Variants in QRICH1 observed in about 807,000 individuals in gnomAD.
QRICH1 encodes the protein glutamine rich 1, also known as transcriptional regulator QRICH1.
In QRICH1, 16 loss-of-function variants were observed where a neutral mutation model predicts 87.1. The observed-to-expected ratio is 0.18, with a 90% confidence interval of 0.12 to 0.28. QRICH1 has a LOEUF of 0.28. Among genes scored for constraint, QRICH1 ranks in the 10% least tolerant of loss-of-function variants. The probability of loss-of-function intolerance (pLI) is 1.00; values close to 1 mark genes in which losing one functional copy is unlikely to be tolerated. For missense variants in QRICH1, 647 were observed against 951.7 expected (o/e 0.68, Z 4.21); for synonymous variants, 367 against 368.4 (o/e 1.00, Z 0.05).
chr3:49,052,244 T>C (rs932544369), intron 3 of QRICH1, among the ~76,000 whole-genome samples: 3 of 152,128 alleles, frequency 2.0e-5, no homozygotes, highest in Non-Finnish European at 4.4e-5. Context: ...AGATGACTCC[T>C]GGGTTTCTGG....
At chr3:49,052,626 T>C (rs1312420100) in intron 3 of QRICH1, among the ~76,000 whole-genome samples, 2 of 152,136 alleles carry the variant, frequency 1.3e-5, no homozygotes, top group African/African-American at 4.8e-5. Flanking sequence ...TGCCTCAGCC[T>C]CCCAGGTAGC....
At chr3:49,054,562 G>A (rs778105906) in intron 3 of QRICH1, among the ~76,000 whole-genome samples, 2 of 144,786 alleles carry the variant, frequency 1.4e-5, no homozygotes, top group East Asian at 2.0e-4. Flanking sequence ...CCTTGGCTCT[G>A]TATTTATGCT....
At position 49,059,604 on chromosome 3, in the gene QRICH1, G is replaced by A. The variant is rs562422636; in HGVS notation, c.310-1714C>T. 7.3e-5 allele frequency among the ~76,000 whole-genome samples: 11 copies of A among 149,910 alleles called. No individual in the cohort carries two copies. The East Asian group carries it at 2.2e-3, about 30-fold the overall frequency. On this transcript the variant is annotated intron_variant, in intron 2 of 9. Transcript: ENST00000395443. ...CCAGCTAATTTCTGTATTTTTAGTA[G>A]AGACGAGGTTTCACCATGTTGGTTG... is the stretch of plus-strand genomic sequence containing the variant.
chr3:49,057,498 C>T lies in QRICH1; in HGVS notation c.702G>A (p.Arg234=), dbSNP rs760114138. 7 of 1,613,166 alleles carry T rather than the reference C, an allele frequency of 4.3e-6. No individual in the cohort carries two copies. Among genetic ancestry groups the T allele is most frequent in the East Asian group, 2.2e-5 (1 of 44,882 alleles). The change falls in exon 3 of 10, where the codon CGG becomes CGA. Residue 234 remains arginine (R), a synonymous_variant. Transcript: ENST00000395443. This position sits in a 1 kb window ranked among gnomAD's most constrained non-coding sequence, Gnocchi z 5.4. ...GGAGGACACTGGCCGTGCCAACCCG[C>T]CGCTCCCCTTCCCGGGGTGAGCCCT... ...SQQGSPREGE[R]RVGTASVLQP... is the part of the protein sequence containing the mutation.
At chr3:49,048,244 T>C (rs2093349871) in intron 3 of QRICH1, among the ~76,000 whole-genome samples, 1 of 151,672 alleles carries the variant, frequency 6.6e-6, no homozygotes, top group Non-Finnish European at 1.5e-5. Flanking sequence ...GCTATTCTCC[T>C]GCCTCAGCCT....
chr3:49,045,677 A>G (rs1027965258), intron 5 of QRICH1, among the ~76,000 whole-genome samples: 2 of 151,622 alleles, frequency 1.3e-5, no homozygotes, highest in Admixed American at 6.6e-5. Flanking sequence ...ATGACTCACT[A>G]CAGCCCCAAC....
chr3:49,081,181 C>T (rs912951693), intron 1 of QRICH1, among the ~76,000 whole-genome samples: 1 of 152,010 alleles, frequency 6.6e-6, no homozygotes, highest in Non-Finnish European at 1.5e-5. Context: ...CTTTGGGAGG[C>T]TGAGCTGGGT....
chr3:49,076,353 G>C (rs1033315490), intron 2 of QRICH1, among the ~76,000 whole-genome samples: 4 of 152,170 alleles, frequency 2.6e-5, no homozygotes, highest in Non-Finnish European at 5.9e-5. Flanking sequence ...CTCATCCTGG[G>C]AAAAGGTGCT....
At chr3:49,061,788 T>C (rs192012963) in intron 2 of QRICH1, among the ~76,000 whole-genome samples, 129 of 151,596 alleles carry the variant, frequency 8.5e-4, no homozygotes, top group African/African-American at 2.8e-3. Context: ...GAGGTGGGGG[T>C]TGCAGTGAGC....
chr3:49,055,338 T>C (rs527672687), intron 3 of QRICH1, among the ~76,000 whole-genome samples: 9 of 152,226 alleles, frequency 5.9e-5, no homozygotes, highest in Middle Eastern at 3.4e-3. Context: ...ATCAGTCCCA[T>C]AAGACCAGAG....
At chr3:49,079,171 C>A (rs1397239187) in intron 1 of QRICH1, among the ~76,000 whole-genome samples, 1 of 151,880 alleles carries the variant, frequency 6.6e-6, no homozygotes, top group African/African-American at 2.4e-5. Flanking sequence ...GAGATCGAGG[C>A]TGCAGTGACC....
chr3:49,048,788 C>CA (rs1193026685), intron 3 of QRICH1, among the ~76,000 whole-genome samples: 101 of 51,536 alleles, frequency 2.0e-3, no homozygotes, highest in South Asian at 2.4e-3. Flanking sequence ...ACTCTGTTCA[C>CA]AAAAAAAAAA....
chr3:49,060,228 C>CT (rs1400473902), intron 2 of QRICH1, among the ~76,000 whole-genome samples: 1 of 151,482 alleles, frequency 6.6e-6, no homozygotes, highest in Non-Finnish European at 1.5e-5. Flanking sequence ...AAGTCTCGCT[C>CT]TGTCGCCCAG....
intron 7 of QRICH1, 120 bp downstream of exon 7, chr3:49,032,997 GGGT>G: frequency 1.1e-6 from 1 of 947,068 alleles, no homozygotes. Context: ...CAGCCAAGTG[GGGT>G]TAGGGCTTTC....
At chr3:49,055,880 T>C (rs960838046) in intron 3 of QRICH1, among the ~76,000 whole-genome samples, 2 of 152,158 alleles carry the variant, frequency 1.3e-5, no homozygotes, top group Non-Finnish European at 2.9e-5. Context: ...GGTTTCACCA[T>C]GTTGGCCAAG....
chr3:49,037,844 T>G (rs1019466377), intron 6 of QRICH1, among the ~76,000 whole-genome samples: 11 of 151,804 alleles, frequency 7.2e-5, no homozygotes, highest in African/African-American at 2.4e-4. Flanking sequence ...CTGGGTGTGA[T>G]GGTGCGCGCC....
At chr3:49,074,209 G>A (rs2041904593) in intron 2 of QRICH1, among the ~76,000 whole-genome samples, 2 of 152,140 alleles carry the variant, frequency 1.3e-5, no homozygotes. Flanking sequence ...AATTTCAAAT[G>A]TTACACTATC....
chr3:49,086,486 T>C (rs2042168832), intron 1 of QRICH1, among the ~76,000 whole-genome samples: 1 of 152,100 alleles, frequency 6.6e-6, no homozygotes, highest in South Asian at 2.1e-4. Flanking sequence ...CTCGATCTCC[T>C]GACCTCGTGA....
chr3:49,082,225 C>A (rs2042076370), intron 1 of QRICH1, among the ~76,000 whole-genome samples: 1 of 152,248 alleles, frequency 6.6e-6, no homozygotes. Context: ...GCATGAGCCA[C>A]TGCGCCCAGC....
Sources: gnomAD v4.1 joint callset for allele counts (sites outside exome capture counted in the v4.1 genomes callset) on GRCh38, gnomAD v4.1.1 for gene constraint, Gnocchi (gnomAD v3.1) non-coding constraint, MANE v1.5 for transcripts, NCBI Gene and HGNC (gene_info 2026-07-23, HGNC 2026-07-21) for gene names.